FDX1: variants seen among roughly 807,000 people sequenced by gnomAD.
FDX1 encodes the protein adrenodoxin, mitochondrial.
In FDX1, 9 loss-of-function variants were observed where a neutral mutation model predicts 14.9. That is an observed-to-expected ratio of 0.60 (90% CI 0.36 to 1.05). The LOEUF (loss-of-function observed/expected upper bound fraction) is 1.05. FDX1 is among the 50% of genes least tolerant of loss of function. FDX1 has a pLI of 0.01. For synonymous variants in FDX1, 92 were observed against 99.4 expected (o/e 0.93, Z 0.44); for missense variants, 204 against 237.2 (o/e 0.86, Z 0.92).
Position 110,440,560 on chromosome 11 carries a change from A to C in FDX1, c.310+4602A>C, listed in dbSNP as rs771083507. 2.0e-5 allele frequency among the ~76,000 whole-genome samples: 3 copies of C among 152,218 alleles called. No homozygotes were observed. The East Asian group carries it at 5.8e-4, about 29-fold the overall frequency. ...TGATCTTTGACAGAATGGGTAAACC[A>C]TGCTATTGTTTGTGTGCATTGGAAG... On this transcript the variant is annotated intron_variant, in intron 2 of 3. Transcript: ENST00000260270.
At chr11:110,436,002 G>T (rs1216117627) in intron 2 of FDX1, 44 bp downstream of exon 2, 1 of 1,541,200 alleles carries the variant, frequency 6.5e-7, no homozygotes, top group Admixed American at 2.1e-5. Context: ...GAAACTGTTA[G>T]GTTTCAAATT....
At chr11:110,444,146 C>A (rs907150427) in intron 2 of FDX1, among the ~76,000 whole-genome samples, 1 of 152,044 alleles carries the variant, frequency 6.6e-6, no homozygotes, top group African/African-American at 2.4e-5. Flanking sequence ...AATCCAATGT[C>A]TAGAAGAGTA....
At chr11:110,431,077 GA>G (rs1321734919) in intron 1 of FDX1, among the ~76,000 whole-genome samples, 1 of 151,650 alleles carries the variant, frequency 6.6e-6, no homozygotes, top group Non-Finnish European at 1.5e-5. Flanking sequence ...AGCACGTAAT[GA>G]GGGCTCAGTA....
chr11:110,456,599 C>T (rs1187844418), intron 2 of FDX1, among the ~76,000 whole-genome samples: 3 of 151,102 alleles, frequency 2.0e-5, no homozygotes, highest in South Asian at 2.1e-4. Context: ...CTCCGCCTCC[C>T]GGGTTCAAGT....
chr11:110,438,561 A>G (rs12785443), intron 2 of FDX1, among the ~76,000 whole-genome samples: 7,229 of 152,028 alleles, frequency 0.048, 269 homozygotes, highest in Non-Finnish European at 0.067. Context: ...GAGTAGCTGG[A>G]ATTATAAAGG....
chr11:110,439,578 ATAT>A (rs1946392733), intron 2 of FDX1, among the ~76,000 whole-genome samples: 1 of 152,054 alleles, frequency 6.6e-6, no homozygotes, highest in Non-Finnish European at 1.5e-5. Context: ...TAGATTCTGG[ATAT>A]TAGACCTTTG....
At chr11:110,431,101 TAGCAGC>T (rs35673502) in intron 1 of FDX1, among the ~76,000 whole-genome samples, 2,541 of 151,170 alleles carry the variant, frequency 0.017, 76 homozygotes, top group African/African-American at 0.058. Context: ...TGCCACTTGG[TAGCAGC>T]AGCAGCAGCA....
chr11:110,434,333 G>A (rs1019067038), intron 1 of FDX1, among the ~76,000 whole-genome samples: 6 of 97,060 alleles, frequency 6.2e-5, no homozygotes, highest in Admixed American at 3.3e-4. Flanking sequence ...TCGCCCTATT[G>A]ATTTTTTTTT....
At chr11:110,444,679 TATATACAC>T (rs1565381826) in intron 2 of FDX1, among the ~76,000 whole-genome samples, 732 of 69,708 alleles carry the variant, frequency 0.011, 58 homozygotes, top group African/African-American at 0.046. Context: ...TATATATATA[TATATACAC>T]GTATATATAT....
intron 1 of FDX1, among the ~76,000 whole-genome samples, chr11:110,433,370 T>C (rs1946343502): frequency 6.6e-6 from 1 of 152,250 alleles, no homozygotes; most frequent in South Asian, 2.1e-4. Context: ...CAAAGTTCCT[T>C]TGGTTCCTGT....
upstream of FDX1, chr11:110,429,821 G>A (rs75531040): frequency 0.01 from 2,682 of 260,426 alleles, 15 homozygotes; most frequent in Non-Finnish European, 0.012. Flanking sequence ...AGCTTACAAC[G>A]GAACCTGGAG....
chr11:110,431,199 A>T (rs1159775996), intron 1 of FDX1, among the ~76,000 whole-genome samples: 8 of 152,252 alleles, frequency 5.3e-5, no homozygotes, highest in Non-Finnish European at 1.2e-4. Flanking sequence ...GTGACAATTT[A>T]TCCCAAATGT....
chr11:110,452,501 G>A (rs1946492980), intron 2 of FDX1, among the ~76,000 whole-genome samples: 1 of 152,040 alleles, frequency 6.6e-6, no homozygotes, highest in Non-Finnish European at 1.5e-5. Context: ...GGGGCATCTG[G>A]ACCTGAACTT....
In FDX1 at chr11:110,447,901, A is replaced by G. The variant is rs563927133; in HGVS notation, c.311-9017A>G. 3.9e-5 allele frequency among the ~76,000 whole-genome samples: 6 copies of G among 152,302 alleles called. 1 individual carries two copies. The highest frequency in any genetic ancestry group is 3.3e-4 in the Admixed American group (5 of 15,296). Reference sequence around the variant, plus strand: ...ATGTATTTCTTGTGTATCTTTCCCAATAGACTGCGATGAGGGATAAAGTCA... The same window carrying G: ...ATGTATTTCTTGTGTATCTTTCCCAGTAGACTGCGATGAGGGATAAAGTCA... On this transcript the variant is annotated intron_variant, in intron 2 of 3. Transcript: ENST00000260270.
chr11:110,431,336 C>G (rs1946329842), intron 1 of FDX1, among the ~76,000 whole-genome samples: 1 of 152,198 alleles, frequency 6.6e-6, no homozygotes, highest in South Asian at 2.1e-4. Context: ...CTCTCGACAG[C>G]TCTTTGACCG....
At chr11:110,436,765 T>C (rs1294151076) in intron 2 of FDX1, among the ~76,000 whole-genome samples, 2 of 152,168 alleles carry the variant, frequency 1.3e-5, no homozygotes, top group Admixed American at 6.5e-5. Flanking sequence ...ACATTATCCT[T>C]TAAAGAACCA....
chr11:110,446,905 A>G (rs920034311), intron 2 of FDX1, among the ~76,000 whole-genome samples: 2 of 152,234 alleles, frequency 1.3e-5, no homozygotes, highest in Admixed American at 6.5e-5. Context: ...GGCCAGGCAC[A>G]GTGGCTGACG....
In FDX1 at chr11:110,452,618, T is replaced by TA. The variant is rs575577554; in HGVS notation, c.311-4287dup. 4.2e-3 allele frequency among the ~76,000 whole-genome samples: 584 copies of TA among 140,686 alleles called. 4 individuals carry two copies. Among genetic ancestry groups the TA allele is most frequent in the East Asian group, 0.014 (67 of 4,914 alleles). 92.3% of individuals were successfully genotyped at this position (140,686 alleles called of 152,430 possible). On this transcript the variant is annotated intron_variant, in intron 2 of 3. Coordinates refer to ENST00000260270, the MANE Select transcript of FDX1 (RefSeq NM_004109.5). The stretch of plus-strand genomic sequence containing the variant: ...CTTTGGGAAAAAAATGAGGCAAAGT[T>TA]AAAAAAAAAAAAAGATATTTTACAC...
rs1946319330 is a variant in FDX1 at position 110,430,115 on chromosome 11, C to T, written c.-6C>T. On this transcript the variant is annotated 5_prime_UTR_variant, in exon 1 of 4. Transcript: ENST00000260270. ...CGTCGCTTCCGGCAGTTCCCGACCG[C>T]GGGCGATGGCTGCCGCTGGGGGCGC... 8.1e-6 allele frequency: 10 copies of T among 1,233,842 alleles called. No individual in the cohort carries two copies. Among genetic ancestry groups the T allele is most frequent in the Non-Finnish European group, 1.0e-5 (10 of 990,870 alleles). 76.4% of individuals were successfully genotyped at this position (1,233,842 alleles called of 1,614,324 possible).
Sources: allele counts gnomAD v4.1 joint callset (sites outside exome capture counted in the v4.1 genomes callset), GRCh38; gene constraint gnomAD v4.1.1; transcripts MANE v1.5; gene names NCBI Gene and HGNC (gene_info 2026-07-23, HGNC 2026-07-21).